Variants in INPP5A observed in about 807,000 individuals in gnomAD.
The protein encoded by INPP5A is inositol polyphosphate-5-phosphatase A, also known as 43 kDa inositol polyphosphate 5-phophatase.
A neutral mutation model predicts 65.2 loss-of-function variants in INPP5A; 14 were observed. That is an observed-to-expected ratio of 0.21 (90% CI 0.14 to 0.34). INPP5A has a LOEUF of 0.34. INPP5A is among the 10% of genes least tolerant of loss of function. The pLI is 1.00. For synonymous variants in INPP5A, 207 were observed against 208.3 expected (o/e 0.99, Z 0.05); for missense variants, 431 against 545.6 (o/e 0.79, Z 2.09).
rs1350656141 is a variant in INPP5A, at chr10:132,575,418, T to A, written c.76-32497T>A. ...GTCAGGATGGGAGGGGAGTACAGGC[T>A]GAGGCACCAGGCACCACAGGGGCCT... On this transcript the variant is annotated intron_variant, in intron 1 of 15. Coordinates refer to ENST00000368594, the MANE Select transcript of INPP5A (RefSeq NM_005539.5). The surrounding 1 kb of genome is among the most constrained non-coding windows in gnomAD (Gnocchi z 5.4). Among the ~76,000 whole-genome samples, 3 of 152,110 alleles carry A rather than the reference T, an allele frequency of 2.0e-5. No homozygotes were observed. The highest frequency in any genetic ancestry group is 4.4e-5 in the Non-Finnish European group (3 of 68,020).
At chr10:132,561,225 G>T (rs992413345) in intron 1 of INPP5A, among the ~76,000 whole-genome samples, 1 of 58,408 alleles carries the variant, frequency 1.7e-5, no homozygotes, top group African/African-American at 1.7e-4. Context: ...ACCACACCTG[G>T]CTAGTTTTTT....
At chr10:132,708,535 C>T (rs757386252) in intron 7 of INPP5A, 170 bp downstream of exon 7, 8 of 765,148 alleles carry the variant, frequency 1.0e-5, no homozygotes, top group South Asian at 9.7e-5. Context: ...CACGGCGATG[C>T]ATTCGGAGCA....
rs1317450623 is a variant in INPP5A, at chr10:132,683,333, C to T, written c.307-7059C>T. On this transcript the variant is annotated intron_variant, in intron 4 of 15. Coordinates refer to ENST00000368594, the MANE Select transcript of INPP5A (RefSeq NM_005539.5). ...TGTGGAGGGCACGTGTCTGCCGTGA[C>T]CCAGCAAGGCCATCTGTGTATTATA... Among the ~76,000 whole-genome samples the T allele has an allele frequency of 2.0e-5, 3 of 152,072 alleles. No individual in the cohort carries two copies. In the East Asian group the frequency reaches 5.8e-4, roughly 29 times the overall value.
chr10:132,735,477 C>T (rs1270262281), intron 9 of INPP5A, among the ~76,000 whole-genome samples: 2 of 152,194 alleles, frequency 1.3e-5, no homozygotes, highest in Non-Finnish European at 2.9e-5. Flanking sequence ...CACGGGCGCC[C>T]TGGGGCGGTG....
intron 8 of INPP5A, among the ~76,000 whole-genome samples, chr10:132,712,602 G>A (rs113471156): frequency 0.024 from 3,689 of 151,154 alleles, 145 homozygotes; most frequent in African/African-American, 0.084. Context: ...ATGTGTGCGC[G>A]GGTGTGTGGG....
chr10:132,744,055 C>T lies in INPP5A; in HGVS notation c.733-5462C>T, dbSNP rs147846740. ...CACTTAAGGGCCAGGCTGGACGGGC[C>T]CCCACAGAGGTGGAGGAGTGGCCGG... On this transcript the variant is annotated intron_variant, in intron 9 of 15. Coordinates refer to ENST00000368594, the MANE Select transcript of INPP5A (RefSeq NM_005539.5). Among the ~76,000 whole-genome samples, 90 of 152,342 alleles carry T rather than the reference C, an allele frequency of 5.9e-4. 1 individual carries two copies. The East Asian group carries it at 0.016, about 26-fold the overall frequency.
At chr10:132,667,015 T>C (rs1217675723) in intron 4 of INPP5A, among the ~76,000 whole-genome samples, 1 of 152,190 alleles carries the variant, frequency 6.6e-6, no homozygotes, top group Non-Finnish European at 1.5e-5. Flanking sequence ...GACAAAAAAA[T>C]GGCAGGGTCC....
At chr10:132,768,014 T>G (rs1291978372) in intron 12 of INPP5A, among the ~76,000 whole-genome samples, 1 of 141,398 alleles carries the variant, frequency 7.1e-6, no homozygotes, top group Non-Finnish European at 1.5e-5. Flanking sequence ...CCCAGTGGCA[T>G]TTCAGAAAGA....
intron 6 of INPP5A, among the ~76,000 whole-genome samples, chr10:132,702,772 C>G (rs376255467): frequency 7.2e-4 from 110 of 152,364 alleles, no homozygotes; most frequent in African/African-American, 2.6e-3. Context: ...ACAGTGTGCT[C>G]TGGGGCTCTG....
chr10:132,717,132 G>A (rs529246050), intron 8 of INPP5A, among the ~76,000 whole-genome samples: 3 of 152,320 alleles, frequency 2.0e-5, no homozygotes, highest in Middle Eastern at 3.4e-3. Context: ...GCTTGCAGAC[G>A]GCCGCCTTCT....
chr10:132,554,866 G>A (rs1338996279), intron 1 of INPP5A, among the ~76,000 whole-genome samples: 2 of 146,562 alleles, frequency 1.4e-5, no homozygotes, highest in Admixed American at 6.8e-5. Flanking sequence ...AATGTGGGTG[G>A]TGTGGTTGGC....
At position 132,549,644 on chromosome 10, in the gene INPP5A, A is replaced by T. The variant is rs2071024870; in HGVS notation, c.75+11473A>T. On this transcript the variant is annotated intron_variant, in intron 1 of 15. Coordinates refer to ENST00000368594, the MANE Select transcript of INPP5A (RefSeq NM_005539.5). This position sits in a 1 kb window ranked among gnomAD's most constrained non-coding sequence, Gnocchi z 4.9. ...GTGATGAGCATGGGGAGTGCAGGTG[A>T]AGCAGGAGCAGACAGGTGCGTGTCC... 6.6e-6 allele frequency among the ~76,000 whole-genome samples: 1 copy of T among 152,160 alleles called. No individual in the cohort carries two copies. Among genetic ancestry groups the T allele is most frequent in the Admixed American group, 6.5e-5 (1 of 15,278 alleles).
chr10:132,772,630 A>G lies in INPP5A; in HGVS notation c.978-5041A>G, dbSNP rs1316443908. Among the ~76,000 whole-genome samples the G allele has an allele frequency of 2.7e-4, 29 of 109,428 alleles. 1 individual carries two copies. Among genetic ancestry groups the G allele is most frequent in the East Asian group, 6.1e-4 (2 of 3,304 alleles). 71.8% of individuals were successfully genotyped at this position (109,428 alleles called of 152,430 possible). Reference sequence around the variant, plus strand: ...AGAGGCCACGGCAGCCACCCCACGAAGAGTGGGACGGACACTCAGCACTGA... The same window carrying G: ...AGAGGCCACGGCAGCCACCCCACGAGGAGTGGGACGGACACTCAGCACTGA... On this transcript the variant is annotated intron_variant, in intron 12 of 15. Transcript: ENST00000368594.
Position 132,704,905 on chromosome 10 carries a change from A to AG in INPP5A, c.475-3405dup, listed in dbSNP as rs1253178203. On this transcript the variant is annotated intron_variant, in intron 6 of 15. Coordinates refer to ENST00000368594, the MANE Select transcript of INPP5A (RefSeq NM_005539.5). This position sits in a 1 kb window ranked among gnomAD's most constrained non-coding sequence, Gnocchi z 4.5. ...CCTCTGGAGTGTGGAGGATGGAGGA[A>AG]GGGCGTCTGGACAGGCGGCAGGCAG... is the stretch of plus-strand genomic sequence containing the variant. Among the ~76,000 whole-genome samples the AG allele has an allele frequency of 7.0e-6, 1 of 143,174 alleles. No homozygotes were observed. Among genetic ancestry groups the AG allele is most frequent in the Non-Finnish European group, 1.5e-5 (1 of 65,480 alleles). 93.9% of individuals were successfully genotyped at this position (143,174 alleles called of 152,430 possible).
chr10:132,781,754 GGCT>G, intron 14 of INPP5A, 104 bp from the exon 15 acceptor site: 2 of 913,264 alleles, frequency 2.2e-6, no homozygotes, highest in Non-Finnish European at 3.6e-6. Context: ...CCCGGTTCAT[GGCT>G]GCCCTGGTGA....
intron 1 of INPP5A, among the ~76,000 whole-genome samples, chr10:132,599,409 C>T (rs1036679718): frequency 6.6e-6 from 1 of 152,224 alleles, no homozygotes; most frequent in South Asian, 2.1e-4. Context: ...CTCCTGGTCT[C>T]ACATCTAGGT....
intron 1 of INPP5A, among the ~76,000 whole-genome samples, chr10:132,569,891 A>T (rs1434609348): frequency 2.0e-5 from 3 of 147,176 alleles, no homozygotes; most frequent in African/African-American, 7.7e-5. Flanking sequence ...ACCTCAGGTG[A>T]TCCACTCACC....
Position 132,627,633 on chromosome 10 carries a change from A to G in INPP5A, c.118-18235A>G, listed in dbSNP as rs958139880. On this transcript the variant is annotated intron_variant, in intron 2 of 15. Coordinates refer to ENST00000368594, the MANE Select transcript of INPP5A (RefSeq NM_005539.5). The surrounding 1 kb of genome is among the most constrained non-coding windows in gnomAD (Gnocchi z 6.6). ...GTGAGAGCCGAAAAAGACACCTTCC[A>G]GGAATCGTGGTGAAAGCAGCGAGCA... Among the ~76,000 whole-genome samples, 3 of 152,186 alleles carry G rather than the reference A, an allele frequency of 2.0e-5. No homozygotes were observed. Among genetic ancestry groups the G allele is most frequent in the Admixed American group, 6.5e-5 (1 of 15,282 alleles).
intron 2 of INPP5A, among the ~76,000 whole-genome samples, chr10:132,631,708 C>T (rs1248404798): frequency 3.3e-5 from 5 of 152,366 alleles, no homozygotes; most frequent in East Asian, 1.9e-4. Context: ...TGCTGGGCCC[C>T]GCTCCGCGGC....
Sources: gnomAD v4.1 joint callset for allele counts (sites outside exome capture counted in the v4.1 genomes callset) on GRCh38, gnomAD v4.1.1 for gene constraint, Gnocchi (gnomAD v3.1) non-coding constraint, MANE v1.5 for transcripts, NCBI Gene and HGNC (gene_info 2026-07-23, HGNC 2026-07-21) for gene names.